NHSL1: variants seen among roughly 807,000 people sequenced by gnomAD.
NHSL1 encodes NHS-like protein 1.
A neutral mutation model predicts 95.0 loss-of-function variants in NHSL1; 48 were observed. The observed-to-expected ratio is 0.51, with a 90% CI of 0.40 to 0.64. The LOEUF is 0.64. NHSL1 is among the 30% of genes least tolerant of loss of function. The probability of loss-of-function intolerance (pLI) is 0.00; values close to 1 mark genes in which losing one functional copy is unlikely to be tolerated. For synonymous variants in NHSL1, 783 were observed against 833.9 expected (o/e 0.94, Z 1.05); for missense variants, 1,971 against 2,077.7 (o/e 0.95, Z 1.00).
At chr6:138,474,048 C>T (rs986508399) in intron 2 of NHSL1, among the ~76,000 whole-genome samples, 6 of 152,248 alleles carry the variant, frequency 3.9e-5, no homozygotes, top group South Asian at 4.1e-4. Flanking sequence ...CAGAGGAATG[C>T]GTGGCACCAC....
intron 1 of NHSL1, among the ~76,000 whole-genome samples, chr6:138,630,003 A>G (rs921967769): frequency 1.3e-5 from 2 of 152,248 alleles, no homozygotes; most frequent in Non-Finnish European, 2.9e-5. Flanking sequence ...GCTTGAGGCC[A>G]GAAGTTTGAG....
At chr6:138,584,471 A>G (rs1017053818) in intron 1 of NHSL1, among the ~76,000 whole-genome samples, 26 of 152,346 alleles carry the variant, frequency 1.7e-4, no homozygotes, top group African/African-American at 5.1e-4. Flanking sequence ...ATCAAAATCC[A>G]TAAGTAGAAG....
intron 1 of NHSL1, among the ~76,000 whole-genome samples, chr6:138,564,682 TC>T (rs1201595598): frequency 1.3e-5 from 2 of 150,378 alleles, no homozygotes; most frequent in Admixed American, 1.3e-4. Context: ...TGAGTCTCCA[TC>T]CTAAAACAGG....
chr6:138,521,819 G>A lies in NHSL1; in HGVS notation c.16+23804C>T, dbSNP rs187299337. The stretch of plus-strand genomic sequence containing the variant: ...GGGTCTGCATCATAACAGAGGTCAG[G>A]GCGGGAGATTTTAAAAACTTTAAAA... On this transcript the variant is annotated intron_variant, in intron 1 of 4. Coordinates refer to the NHSL1 transcript ENST00000342260. Among the ~76,000 whole-genome samples, 529 of 152,232 alleles carry A rather than the reference G, an allele frequency of 3.5e-3. 4 individuals are homozygous for A. The highest frequency in any genetic ancestry group is 0.012 in the African/African-American group (496 of 41,530).
intron 1 of NHSL1, among the ~76,000 whole-genome samples, chr6:138,622,839 G>C (rs1219324043): frequency 6.6e-6 from 1 of 152,162 alleles, no homozygotes; most frequent in Non-Finnish European, 1.5e-5. Context: ...TGCTCCCAAG[G>C]GGTTCACATT....
intron 1 of NHSL1, among the ~76,000 whole-genome samples, chr6:138,563,411 A>G (rs1783486472): frequency 6.6e-6 from 1 of 152,208 alleles, no homozygotes; most frequent in Non-Finnish European, 1.5e-5. Flanking sequence ...GATAGGTTCC[A>G]CTTGAGTTGC....
In NHSL1 at chr6:138,454,301, T is replaced by C. The variant is rs74947729; in HGVS notation, c.340-7108A>G. Among the ~76,000 whole-genome samples, 758 of 152,358 alleles carry C rather than the reference T, an allele frequency of 5.0e-3. 1 individual carries two copies. Among genetic ancestry groups the C allele is most frequent in the African/African-American group, 0.017 (690 of 41,586 alleles). The stretch of plus-strand genomic sequence containing the variant: ...TTTCTAAGACACATCCATGTAGTTG[T>C]GTGAAACTGTAATTCATTCATTTCA... On this transcript the variant is annotated intron_variant, in intron 3 of 7. Transcript: ENST00000343505.
chr6:138,489,454 C>T (rs1197824366), intron 2 of NHSL1, among the ~76,000 whole-genome samples: 2 of 152,104 alleles, frequency 1.3e-5, no homozygotes, highest in Admixed American at 1.3e-4. Flanking sequence ...CTTCACATGA[C>T]ACCTGGACTT....
intron 1 of NHSL1, among the ~76,000 whole-genome samples, chr6:138,655,420 G>A (rs745590854): frequency 2.0e-4 from 31 of 152,104 alleles, no homozygotes; most frequent in Non-Finnish European, 4.1e-4. Flanking sequence ...GAGGTCAGAG[G>A]ATATTTCTTA....
rs1003370677 is a variant in NHSL1 at position 138,442,103 on chromosome 6, C to T, written c.544G>A (p.Asp182Asn). ...GACCGCCGAAGGCTGGCCTGGCGATCGAAATTCTCCCCTAATGTAGAGTAG... is the reference window on the plus strand; with the variant it reads ...GACCGCCGAAGGCTGGCCTGGCGATTGAAATTCTCCCCTAATGTAGAGTAG... ...VPINITGENF[D>N]RQASLRRSLI... The change falls in exon 5 of 8, where the codon GAT becomes AAT. Residue 182 changes from aspartate to asparagine, a missense_variant. Physicochemically the swap from Asp to Asn is conservative, Grantham distance 23. Transcript: ENST00000343505. 78 of 1,549,336 alleles carry T rather than the reference C, an allele frequency of 5.0e-5. 1 individual carries two copies. The East Asian group carries it at 1.6e-3, about 33-fold the overall frequency.
intron 2 of NHSL1, among the ~76,000 whole-genome samples, chr6:138,488,942 G>T (rs1779874143): frequency 6.6e-6 from 1 of 152,170 alleles, no homozygotes; most frequent in Admixed American, 6.5e-5. Flanking sequence ...CAGAGGACTG[G>T]GCAGCTCCTT....
At chr6:138,435,138 A>G (rs1387770171) in intron 5 of NHSL1, 1 of 154,758 alleles carries the variant, frequency 6.5e-6, no homozygotes, top group Non-Finnish European at 1.5e-5. Context: ...AGAAAAACCC[A>G]CTTTGAGGAA....
At chr6:138,560,608 C>CA (rs1783375344) in intron 1 of NHSL1, among the ~76,000 whole-genome samples, 1 of 152,206 alleles carries the variant, frequency 6.6e-6, no homozygotes, top group Non-Finnish European at 1.5e-5. Context: ...GTACTTTCTA[C>CA]TGGTGAAAAA....
chr6:138,431,820 G>T lies in NHSL1; in HGVS notation c.2525C>A (p.Ser842Ter). 1 of 1,551,706 alleles carries T rather than the reference G, an allele frequency of 6.4e-7. No individual in the cohort carries two copies. The highest frequency in any genetic ancestry group is 8.7e-7 in the Non-Finnish European group (1 of 1,146,978). Residue 842 changes from serine (S) to a stop codon, truncating the protein, a stop_gained, in exon 6 of 8, where the codon TCA becomes TAA. Coordinates refer to ENST00000343505, the MANE Select transcript of NHSL1 (RefSeq NM_001144060.2). LOFTEE classifies it high-confidence loss of function. The surrounding 1 kb of genome is among the most constrained non-coding windows in gnomAD (Gnocchi z 4.0). ...VKPKIMSPEK[S>*]HRVISPSSGY... Reference sequence around the variant, plus strand: ...ACTGGATGGAGAAATGACTCTGTGTGACTTCTCTGGTGACATGATCTTTGG... The same window carrying T: ...ACTGGATGGAGAAATGACTCTGTGTTACTTCTCTGGTGACATGATCTTTGG...
chr6:138,424,092 C>G lies in NHSL1; in HGVS notation c.4810G>C (p.Glu1604Gln), dbSNP rs1420901611. The change falls in exon 8 of 8, where the codon GAG (glutamate) becomes CAG (glutamine). Residue 1604 changes from glutamate (E) to glutamine (Q), a missense_variant. Coordinates refer to ENST00000343505, the MANE Select transcript of NHSL1 (RefSeq NM_001144060.2). This position sits in a 1 kb window ranked among gnomAD's most constrained non-coding sequence, Gnocchi z 5.9. ...PSPQCGGSLS[E>Q]ES ...TTACGTTCTTGGCCCTAACTCTCCT[C>G]GCTCAGAGAACCGCCACACTGTGGG... 1 of 1,391,990 alleles carries G rather than the reference C, an allele frequency of 7.2e-7. No homozygotes were observed. The highest frequency in any genetic ancestry group is 9.3e-7 in the Non-Finnish European group (1 of 1,074,508). The allele number at this position is 1,391,990 out of a possible 1,614,324, so 86.2% of individuals were successfully genotyped here.
intron 3 of NHSL1, among the ~76,000 whole-genome samples, chr6:138,451,897 C>T (rs1225601018): frequency 1.3e-5 from 2 of 152,146 alleles, no homozygotes; most frequent in Non-Finnish European, 2.9e-5. Flanking sequence ...AGTAAAAAAA[C>T]AGTGTGTACC....
chr6:138,690,096 G>A (rs7764696), intron 1 of NHSL1, among the ~76,000 whole-genome samples: 23,566 of 152,190 alleles, frequency 0.15, 1,973 homozygotes, highest in Admixed American at 0.25. Flanking sequence ...TTTCCTCTCT[G>A]GGTAAGAATT....
chr6:138,485,504 C>T (rs1779673053), intron 2 of NHSL1, among the ~76,000 whole-genome samples: 1 of 148,158 alleles, frequency 6.7e-6, no homozygotes, highest in African/African-American at 2.5e-5. Context: ...CTTTAACTAT[C>T]TGAAAAAGCA....
intron 2 of NHSL1, among the ~76,000 whole-genome samples, chr6:138,481,309 C>T (rs1271413799): frequency 6.6e-6 from 1 of 152,032 alleles, no homozygotes; most frequent in African/African-American, 2.4e-5. Context: ...TTTACCTACC[C>T]CTTCATAAAT....
Sources: allele counts gnomAD v4.1 joint callset (sites outside exome capture counted in the v4.1 genomes callset), GRCh38; gene constraint gnomAD v4.1.1; non-coding constraint Gnocchi (gnomAD v3.1); transcripts MANE v1.5; gene names NCBI Gene and HGNC (gene_info 2026-07-23, HGNC 2026-07-21).